Variants in AZIN2 observed in about 807,000 individuals in gnomAD.
AZIN2 encodes the protein antizyme inhibitor 2.
Under a neutral mutation model 47.8 loss-of-function variants are expected in AZIN2, and 28 were observed. That is an observed-to-expected ratio of 0.59 (90% CI 0.43 to 0.80). The LOEUF is 0.80. Among genes scored for constraint, AZIN2 ranks in the 30% least tolerant of loss-of-function variants. The probability of loss-of-function intolerance (pLI) is 0.00; values close to 1 mark genes in which losing one functional copy is unlikely to be tolerated. For missense variants in AZIN2, 535 were observed against 582.5 expected (o/e 0.92, Z 0.84); for synonymous variants, 221 against 239.4 (o/e 0.92, Z 0.71).
chr1:33,161,520 C>T, the AZIN2 span, among the ~76,000 whole-genome samples: 7 of 152,154 alleles, frequency 4.6e-5, no homozygotes, highest in Non-Finnish European at 1.0e-4. The surrounding 1 kb of genome is among the most constrained non-coding windows in gnomAD (Gnocchi z 4.3). Context: ...CGGCTGCTGG[C>T]CTGCAGGAAG....
the AZIN2 span, among the ~76,000 whole-genome samples, chr1:33,161,302 C>T: frequency 4.3e-4 from 66 of 152,236 alleles, no homozygotes; most frequent in African/African-American, 1.4e-3. This position sits in a 1 kb window ranked among gnomAD's most constrained non-coding sequence, Gnocchi z 4.3. Flanking sequence ...CAGAGGGAGC[C>T]GCATGAGGAA....
Position 33,113,764 on chromosome 1 carries a change from A to G in AZIN2, c.1030-4138A>G, listed in dbSNP as rs140117178. ...GCTGAACTTCAGTGTATCTCAATGA[A>G]GTCAGAGTTGGATCATTATTTAAAA... On this transcript the variant is annotated intron_variant, in intron 10 of 11. Coordinates refer to ENST00000294517, the MANE Select transcript of AZIN2 (RefSeq NM_052998.4). The surrounding 1 kb of genome is among the most constrained non-coding windows in gnomAD (Gnocchi z 4.1). Among the ~76,000 whole-genome samples, 1,819 of 152,334 alleles carry G rather than the reference A, an allele frequency of 0.012. 50 individuals carry two copies. The highest frequency in any genetic ancestry group is 0.041 in the African/African-American group (1,720 of 41,560).
rs544777274 is a variant in AZIN2, at chr1:33,094,642, C to T, written c.682C>T (p.His228Tyr). The change falls in exon 8 of 12, where the codon CAC (histidine) becomes TAC (tyrosine). Residue 228 changes from histidine to tyrosine, a missense_variant. Around this residue, in one of 3 missense-constraint regions of AZIN2, gnomAD observed 409 missense variants for 429.0 expected, o/e 0.95. Transcript: ENST00000294517. ...LVFEMGTELG[H>Y]KMHVLDLGGG... ...GTTTGAAATGGGCACCGAGCTGGGTCACAAGATGCACGTTCTGGACCTTGG... is the reference window on the plus strand; with the variant it reads ...GTTTGAAATGGGCACCGAGCTGGGTTACAAGATGCACGTTCTGGACCTTGG... 2 of 1,614,180 alleles carry T rather than the reference C, an allele frequency of 1.2e-6. No individual in the cohort carries two copies. The highest frequency in any genetic ancestry group is 1.1e-5 in the South Asian group (1 of 91,088).
intron 11 of AZIN2, 170 bp downstream of exon 11, chr1:33,118,286 C>G (rs1644657035): frequency 5.8e-6 from 4 of 683,886 alleles, no homozygotes; most frequent in African/African-American, 5.6e-5. Context: ...ATAAGTGAGG[C>G]TGGGCTTTCC....
chr1:33,158,094 T>G, the AZIN2 span, among the ~76,000 whole-genome samples: 329 of 152,302 alleles, frequency 2.2e-3, 3 homozygotes, highest in African/African-American at 7.6e-3. Flanking sequence ...AGCTGAGTGA[T>G]TGTGCAGGTG....
the AZIN2 span, among the ~76,000 whole-genome samples, chr1:33,132,555 C>T: frequency 1.3e-5 from 2 of 152,298 alleles, no homozygotes; most frequent in Admixed American, 1.3e-4. Context: ...AGTTCAGATG[C>T]CACTTCTTGG....
At chr1:33,082,014 C>G in intron 3 of AZIN2, 164 bp from the exon 4 acceptor site, 1 of 547,244 alleles carries the variant, frequency 1.8e-6, no homozygotes, top group Non-Finnish European at 3.3e-6. Flanking sequence ...GCCTTGTCTC[C>G]GTCTGAAATC....
At chr1:33,130,888 C>T in the AZIN2 span, among the ~76,000 whole-genome samples, 1 of 152,048 alleles carries the variant, frequency 6.6e-6, no homozygotes, top group African/African-American at 2.4e-5. Flanking sequence ...TGAGATATGT[C>T]TGGAAAAAGA....
At chr1:33,092,733 T>G (rs367718796) in intron 6 of AZIN2, among the ~76,000 whole-genome samples, 15 of 151,382 alleles carry the variant, frequency 9.9e-5, no homozygotes, top group East Asian at 5.9e-4. Flanking sequence ...ATGCTATGTG[T>G]AGGGGGTGAA....
rs77709313 is a variant in AZIN2, at chr1:33,115,574, G to A, written c.1030-2328G>A. On this transcript the variant is annotated intron_variant, in intron 10 of 11. Coordinates refer to ENST00000294517, the MANE Select transcript of AZIN2 (RefSeq NM_052998.4). ...CAAAAATTAGCCAGGTGTGGTGGCCGGCACCTGTAATCTCAGCTACTCGGG... is the reference window on the plus strand; with the variant it reads ...CAAAAATTAGCCAGGTGTGGTGGCCAGCACCTGTAATCTCAGCTACTCGGG... 4.5e-3 allele frequency among the ~76,000 whole-genome samples: 676 copies of A among 149,780 alleles called. 5 individuals carry two copies. The highest frequency in any genetic ancestry group is 0.016 in the African/African-American group (633 of 40,532).
chr1:33,084,599 A>T (rs148367165), intron 5 of AZIN2, among the ~76,000 whole-genome samples: 1 of 151,294 alleles, frequency 6.6e-6, no homozygotes, highest in Non-Finnish European at 1.5e-5. Context: ...CTTTAGATTT[A>T]TTTTTTTCAT....
intron 4 of AZIN2, chr1:33,083,392 C>T (rs1293132463): frequency 1.1e-5 from 2 of 177,146 alleles, no homozygotes; most frequent in Non-Finnish European, 2.5e-5. Context: ...GAACAGTTGT[C>T]CATAGGGATA....
intron 10 of AZIN2, among the ~76,000 whole-genome samples, chr1:33,111,054 A>G (rs1000879943): frequency 1.3e-5 from 2 of 152,330 alleles, no homozygotes; most frequent in African/African-American, 2.4e-5. Context: ...GACTACTGCA[A>G]CAATCCATGC....
rs1641286763 is a variant in AZIN2 at position 33,081,806 on chromosome 1, C to G, written c.-79C>G. The G allele has an allele frequency of 3.9e-6, 1 of 255,588 alleles. No individual in the cohort carries two copies. The highest frequency in any genetic ancestry group is 2.3e-5 in the African/African-American group (1 of 42,764). The allele number at this position is 255,588 out of a possible 1,614,324, so 15.8% of individuals were successfully genotyped here. A position where few individuals can be genotyped will look rare whatever the true frequency, so the allele number is the denominator to read the frequency against. ...ACGCCTTGATGTGGCCACCGGCTAC[C>G]CTCTAGGTGGGCGTGGTCAAGACTG... On this transcript the variant is annotated 5_prime_UTR_variant, in exon 3 of 12. Coordinates refer to ENST00000294517, the MANE Select transcript of AZIN2 (RefSeq NM_052998.4). The surrounding 1 kb of genome is among the most constrained non-coding windows in gnomAD (Gnocchi z 4.2).
rs1326206705 is a variant in AZIN2 at position 33,121,169 on chromosome 1, T to G, written c.*987T>G. 3.9e-5 allele frequency among the ~76,000 whole-genome samples: 6 copies of G among 152,198 alleles called. No individual in the cohort carries two copies. The highest frequency in any genetic ancestry group is 1.4e-4 in the African/African-American group (6 of 41,446). On this transcript the variant is annotated 3_prime_UTR_variant, in exon 12 of 12. Coordinates refer to ENST00000294517, the MANE Select transcript of AZIN2 (RefSeq NM_052998.4). ...AGCTGTTGAGCAAAGGAGTTCAGAT[T>G]TTAGAGTCCCCCTCAGTGGCTGCAG...
At chr1:33,134,958 C>T in the AZIN2 span, among the ~76,000 whole-genome samples, 1 of 152,188 alleles carries the variant, frequency 6.6e-6, no homozygotes, top group Non-Finnish European at 1.5e-5. Flanking sequence ...GTGTTTCACT[C>T]CACATAAATA....
At chr1:33,089,812 T>C (rs1459320150) in intron 5 of AZIN2, among the ~76,000 whole-genome samples, 1 of 152,256 alleles carries the variant, frequency 6.6e-6, no homozygotes, top group Non-Finnish European at 1.5e-5. Flanking sequence ...GAAAAGTTGC[T>C]AAATTAAAAT....
intron 5 of AZIN2, among the ~76,000 whole-genome samples, chr1:33,089,293 A>C (rs2124494863): frequency 6.6e-6 from 1 of 152,234 alleles, no homozygotes; most frequent in African/African-American, 2.4e-5. Flanking sequence ...GAATGACAAC[A>C]CTTATTTAAA....
At chr1:33,164,651 C>T in the AZIN2 span, 3,402 of 152,424 alleles carry the variant, frequency 0.022, 48 homozygotes, top group Non-Finnish European at 0.035. Flanking sequence ...TTTGGCCCTA[C>T]CTTTCAGAGT....
Sources: gnomAD v4.1 joint callset for allele counts (sites outside exome capture counted in the v4.1 genomes callset) on GRCh38, gnomAD v4.1.1 for gene constraint, gnomAD v4.1.1 regional missense constraint, Gnocchi (gnomAD v3.1) non-coding constraint, MANE v1.5 for transcripts, NCBI Gene and HGNC (gene_info 2026-07-23, HGNC 2026-07-21) for gene names.